BRF1: variants seen among roughly 807,000 people sequenced by gnomAD.
BRF1 encodes the protein transcription factor IIIB 90 kDa subunit.
In BRF1, 59 loss-of-function variants were observed where a neutral mutation model predicts 81.7. The ratio of observed to expected loss-of-function variants is 0.72; its 90% CI spans 0.59 to 0.90. BRF1 has a LOEUF of 0.90. Among genes scored for constraint, BRF1 ranks in the 40% least tolerant of loss-of-function variants. BRF1 has a pLI of 0.00. For synonymous variants in BRF1, 491 were observed against 395.6 expected (o/e 1.24, Z -2.86); for missense variants, 1,050 against 936.3 (o/e 1.12, Z -1.58).
chr14:105,282,059 C>T (rs2140453750), intron 2 of BRF1, among the ~76,000 whole-genome samples: 1 of 152,302 alleles, frequency 6.6e-6, no homozygotes, highest in South Asian at 2.1e-4. Context: ...AAGAAATCAT[C>T]CCAAAAGGCC....
rs1892507794 is a variant in BRF1, at chr14:105,222,843, T to A, written c.1049-929A>T. On this transcript the variant is annotated intron_variant, in intron 10 of 17. Coordinates refer to ENST00000547530, the MANE Select transcript of BRF1 (RefSeq NM_001519.4). Reference sequence around the variant, plus strand: ...CGGGGTTTCACTGTGTTAGCCAGGATGGTCTTGATCTCCTGACCTTGTGAT... The same window carrying A: ...CGGGGTTTCACTGTGTTAGCCAGGAAGGTCTTGATCTCCTGACCTTGTGAT... Among the ~76,000 whole-genome samples, 3 of 152,296 alleles carry A rather than the reference T, an allele frequency of 2.0e-5. No homozygotes were observed. The South Asian group carries it at 6.2e-4, about 32-fold the overall frequency.
chr14:105,296,339 C>T (rs1487835648), intron 1 of BRF1, among the ~76,000 whole-genome samples: 1 of 151,952 alleles, frequency 6.6e-6, no homozygotes, highest in Non-Finnish European at 1.5e-5. Context: ...CCATGTAACC[C>T]CGCCTCTGCT....
chr14:105,312,481 A>C (rs1408005475), intron 1 of BRF1, among the ~76,000 whole-genome samples: 1 of 152,208 alleles, frequency 6.6e-6, no homozygotes, highest in African/African-American at 2.4e-5. Context: ...CAGTCATCCG[A>C]GAGGTTTGTC....
At position 105,229,034 on chromosome 14, in the gene BRF1, G is replaced by T; in HGVS notation, c.695-121C>A. ...GATGATGGCCTGAGAAGACGTGTCT[G>T]TGCCAGGCAGTGAGACCCTCACTTG... On this transcript the variant is annotated intron_variant, in intron 6 of 17. Transcript: ENST00000547530. 4 of 856,734 alleles carry T rather than the reference G, an allele frequency of 4.7e-6. No homozygotes were observed. The South Asian group carries it at 5.8e-5, about 12-fold the overall frequency. 53.1% of individuals were successfully genotyped at this position (856,734 alleles called of 1,614,324 possible).
At chr14:105,216,971 C>T (rs955972267) in intron 15 of BRF1, among the ~76,000 whole-genome samples, 17 of 152,226 alleles carry the variant, frequency 1.1e-4, no homozygotes, top group African/African-American at 4.1e-4. Flanking sequence ...TCAGGAGAGC[C>T]TGCAGCCGCC....
upstream of BRF1, among the ~76,000 whole-genome samples, chr14:105,301,587 C>G (rs1401389519): frequency 1.3e-5 from 2 of 152,232 alleles, no homozygotes; most frequent in Non-Finnish European, 2.9e-5. Context: ...CTGCCCCGCC[C>G]TCCGCATTTG....
chr14:105,229,725 C>T (rs587737104), intron 6 of BRF1, among the ~76,000 whole-genome samples: 176 of 64,488 alleles, frequency 2.7e-3, no homozygotes, highest in Middle Eastern at 6.1e-3. Context: ...CCACTGTCCG[C>T]GTAGTCGCCC....
In BRF1 at chr14:105,269,330, C is replaced by A. The variant is rs2056558961; in HGVS notation, c.439+3391G>T. Among the ~76,000 whole-genome samples the A allele has an allele frequency of 1.3e-5, 2 of 152,148 alleles. No individual in the cohort carries two copies. The highest frequency in any genetic ancestry group is 1.3e-4 in the Admixed American group (2 of 15,280). On this transcript the variant is annotated intron_variant, in intron 3 of 17. Coordinates refer to ENST00000547530, the MANE Select transcript of BRF1 (RefSeq NM_001519.4). This position sits in a 1 kb window ranked among gnomAD's most constrained non-coding sequence, Gnocchi z 5.0. ...GGGAGCCCCACCAGGCCACCAGCAG[C>A]CAGAGGGGATAGAGTGCGGCCTCCC...
At chr14:105,213,456 G>A (rs1423772823) in intron 15 of BRF1, 1 of 152,046 alleles carries the variant, frequency 6.6e-6, no homozygotes, top group Non-Finnish European at 1.5e-5. Flanking sequence ...CTGTCGCCAG[G>A]CTAGAGTGCA....
intron 3 of BRF1, among the ~76,000 whole-genome samples, chr14:105,266,101 T>A (rs1241321661): frequency 6.6e-6 from 1 of 151,726 alleles, no homozygotes; most frequent in Non-Finnish European, 1.5e-5. Context: ...AAAAACCGTG[T>A]GATGTAACGA....
intron 2 of BRF1, among the ~76,000 whole-genome samples, chr14:105,280,873 A>AGGTGTGCGGATACAGCCTG (rs1454164037): frequency 1.9e-5 from 1 of 52,714 alleles, no homozygotes; most frequent in African/African-American, 7.3e-5. Context: ...GATACAGCCC[A>AGGTGTGCGGATACAGCCTG]CGTGACCCTG....
intron 5 of BRF1, among the ~76,000 whole-genome samples, chr14:105,245,680 G>C (rs950638539): frequency 6.6e-6 from 1 of 152,122 alleles, no homozygotes; most frequent in Admixed American, 6.6e-5. Context: ...ATGGGGAAAG[G>C]ATGGTCTCTT....
At chr14:105,314,516 T>A (rs906991047) in intron 1 of BRF1, 1 of 145,750 alleles carries the variant, frequency 6.9e-6, no homozygotes, top group Non-Finnish European at 1.5e-5. Flanking sequence ...GTGCGCGCTC[T>A]CGCGCACCGG....
At chr14:105,260,470 C>A (rs1487317446) in intron 3 of BRF1, among the ~76,000 whole-genome samples, 1 of 152,014 alleles carries the variant, frequency 6.6e-6, no homozygotes, top group Non-Finnish European at 1.5e-5. Flanking sequence ...CTACCAGGTT[C>A]AAGCGATTCT....
At chr14:105,247,485 T>C in intron 5 of BRF1, 1 of 985,448 alleles carries the variant, frequency 1.0e-6, no homozygotes, top group South Asian at 4.7e-5. Context: ...CCTTCCTGAC[T>C]TGTAGTTGCT....
chr14:105,293,333 G>A (rs587661469), intron 1 of BRF1, among the ~76,000 whole-genome samples: 1 of 152,278 alleles, frequency 6.6e-6, no homozygotes, highest in African/African-American at 2.4e-5. Context: ...GACCCCAAAC[G>A]GAAAACAGCA....
intron 1 of BRF1, among the ~76,000 whole-genome samples, chr14:105,289,145 A>G (rs991291006): frequency 2.0e-5 from 3 of 151,978 alleles, no homozygotes; most frequent in Non-Finnish European, 4.4e-5. Flanking sequence ...CCAGGAGTTC[A>G]AGACCAGCCT....
intron 2 of BRF1, among the ~76,000 whole-genome samples, chr14:105,277,967 G>A (rs1342417471): frequency 6.6e-6 from 1 of 152,110 alleles, no homozygotes; most frequent in Non-Finnish European, 1.5e-5. Context: ...TGTTGGCCAG[G>A]ATGGTCTCGA....
At chr14:105,214,657 C>A (rs1286078744) in intron 15 of BRF1, among the ~76,000 whole-genome samples, 1 of 152,234 alleles carries the variant, frequency 6.6e-6, no homozygotes, top group Non-Finnish European at 1.5e-5. Context: ...CAGCCACCGG[C>A]AGCCAAAGAG....
Sources: gnomAD v4.1 joint callset for allele counts (sites outside exome capture counted in the v4.1 genomes callset) on GRCh38, gnomAD v4.1.1 for gene constraint, Gnocchi (gnomAD v3.1) non-coding constraint, MANE v1.5 for transcripts, NCBI Gene and HGNC (gene_info 2026-07-23, HGNC 2026-07-21) for gene names.